CHRNA4: variants seen among roughly 807,000 people sequenced by gnomAD.
CHRNA4 encodes neuronal acetylcholine receptor subunit alpha-4.
CHRNA4 carries 28 observed loss-of-function variants against 48.9 expected under a neutral mutation model. The observed-to-expected ratio is 0.57, with a 90% confidence interval of 0.42 to 0.79. The LOEUF (loss-of-function observed/expected upper bound fraction) is 0.79. Ranked by LOEUF, CHRNA4 falls within the 30% of genes least tolerant of loss-of-function variation. CHRNA4 has a pLI of 0.00. For synonymous variants in CHRNA4, 425 were observed against 402.3 expected (o/e 1.06, Z -0.68); for missense variants, 859 against 898.4 (o/e 0.96, Z 0.56).
At chr20:63,349,336 C>T (rs957660468) in intron 5 of CHRNA4, among the ~76,000 whole-genome samples, 6 of 152,188 alleles carry the variant, frequency 3.9e-5, no homozygotes, top group Admixed American at 1.3e-4. Flanking sequence ...AGAGCGCCCC[C>T]GTTCTGTGCT....
At chr20:63,351,129 A>ACGCC (rs1426602519) in intron 4 of CHRNA4, 102 bp from the exon 5 acceptor site, 417 of 1,190,340 alleles carry the variant, frequency 3.5e-4, no homozygotes, top group Admixed American at 1.9e-3. Context: ...ACCCACACCC[A>ACGCC]CATCCACGCC....
chr20:63,354,936 G>A (rs1310814680), intron 4 of CHRNA4, among the ~76,000 whole-genome samples: 1 of 152,146 alleles, frequency 6.6e-6, no homozygotes, highest in Non-Finnish European at 1.5e-5. Context: ...CCCTCCCACT[G>A]CCGGAGGCCC....
chr20:63,360,400 G>A (rs554137847), intron 1 of CHRNA4, among the ~76,000 whole-genome samples: 40 of 152,306 alleles, frequency 2.6e-4, no homozygotes, highest in African/African-American at 8.7e-4. Flanking sequence ...GAACGCCCCT[G>A]ATGAGTCGCT....
rs776781462 is a variant in CHRNA4 at position 63,356,425 on chromosome 20, C to G, written c.229-10G>C. ...TCTGGTTCTTCTCATCCTAGGGCACCGAGAGAGGAAGGGGGCCAGTGACCC... is the reference window on the plus strand; with the variant it reads ...TCTGGTTCTTCTCATCCTAGGGCACGGAGAGAGGAAGGGGGCCAGTGACCC... On this transcript the variant is annotated splice_polypyrimidine_tract_variant and intron_variant, in intron 2 of 5. Coordinates refer to ENST00000370263, the MANE Select transcript of CHRNA4 (RefSeq NM_000744.7). 3 of 1,599,498 alleles carry G rather than the reference C, an allele frequency of 1.9e-6. No homozygotes were observed. Among genetic ancestry groups the G allele is most frequent in the Middle Eastern group, 1.7e-4 (1 of 6,050 alleles).
At chr20:63,356,591 G>C in intron 2 of CHRNA4, 176 bp from the exon 3 acceptor site, 2 of 671,048 alleles carry the variant, frequency 3.0e-6, no homozygotes, top group Non-Finnish European at 5.4e-6. Flanking sequence ...CCAGGATGGG[G>C]ACTCTGAGGG....
rs774465157 is a variant in CHRNA4 at position 63,346,076 on chromosome 20, A to G, written c.*662T>C. ...GGGCCTCCCGATTCTCCCCACGCGG[A>G]ACCAGCTCCACAAAACTCTGTTCTC... On this transcript the variant is annotated 3_prime_UTR_variant, in exon 6 of 6. Coordinates refer to ENST00000370263, the MANE Select transcript of CHRNA4 (RefSeq NM_000744.7). 2.2e-5 allele frequency: 10 copies of G among 454,006 alleles called. No individual in the cohort carries two copies. The highest frequency in any genetic ancestry group is 1.6e-4 in the South Asian group (10 of 64,476). 28.1% of individuals were successfully genotyped at this position (454,006 alleles called of 1,614,324 possible).
At chr20:63,359,893 T>TGCGC (rs1168977487) in intron 1 of CHRNA4, 194 bp from the exon 2 acceptor site, 33 of 475,538 alleles carry the variant, frequency 6.9e-5, no homozygotes, top group Non-Finnish European at 9.3e-5. Context: ...GTGCCGGGCG[T>TGCGC]GTGCTGTGTG....
chr20:63,349,566 G>T, intron 5 of CHRNA4, 87 bp downstream of exon 5: 1 of 1,541,318 alleles, frequency 6.5e-7, no homozygotes, highest in Non-Finnish European at 8.9e-7. Context: ...CCTGGGCCCG[G>T]CTCCTGGATT....
At position 63,347,456 on chromosome 20, in the gene CHRNA4, C is replaced by T. The variant is rs948073456; in HGVS notation, c.1759-593G>A. Among the ~76,000 whole-genome samples the T allele has an allele frequency of 7.9e-5, 12 of 152,220 alleles. No individual in the cohort carries two copies. In the South Asian group the frequency reaches 1.0e-3, roughly 13 times the overall value. The stretch of plus-strand genomic sequence containing the variant: ...GGGCGGCTGCGGTTACATATCTGAA[C>T]GGGGACAGCGGGTTCCGGCTCCAGG... On this transcript the variant is annotated intron_variant, in intron 5 of 5. Coordinates refer to ENST00000370263, the MANE Select transcript of CHRNA4 (RefSeq NM_000744.7).
At chr20:63,360,925 G>T (rs1044276646) in intron 1 of CHRNA4, 165 bp downstream of exon 1, 7 of 525,570 alleles carry the variant, frequency 1.3e-5, no homozygotes, top group Non-Finnish European at 2.1e-5. Context: ...CAGCCCGGGT[G>T]CGAGCGCAGC....
intron 5 of CHRNA4, among the ~76,000 whole-genome samples, chr20:63,348,286 G>A (rs570845588): frequency 1.3e-5 from 2 of 152,342 alleles, no homozygotes; most frequent in African/African-American, 2.4e-5. Flanking sequence ...CTGACCCCAC[G>A]GTGGCACAGC....
At chr20:63,356,514 G>T in intron 2 of CHRNA4, 99 bp from the exon 3 acceptor site, 1 of 1,298,914 alleles carries the variant, frequency 7.7e-7, no homozygotes, top group Non-Finnish European at 1.1e-6. Flanking sequence ...GACACGGCCA[G>T]GGCAAGATAT....
At position 63,345,788 on chromosome 20, in the gene CHRNA4, C is replaced by T. The variant is rs892077014; in HGVS notation, c.*950G>A. Reference sequence around the variant, plus strand: ...CAGAGCCCAGGGCGGATCTCCCGGGCTGCGCGCCAAGGTGGAAACCCTCAG... The same window carrying T: ...CAGAGCCCAGGGCGGATCTCCCGGGTTGCGCGCCAAGGTGGAAACCCTCAG... On this transcript the variant is annotated 3_prime_UTR_variant, in exon 6 of 6. Coordinates refer to ENST00000370263, the MANE Select transcript of CHRNA4 (RefSeq NM_000744.7). The surrounding 1 kb of genome is among the most constrained non-coding windows in gnomAD (Gnocchi z 5.4). 4.5e-6 allele frequency: 2 copies of T among 441,852 alleles called. No individual in the cohort carries two copies. Among genetic ancestry groups the T allele is most frequent in the Admixed American group, 2.4e-5 (1 of 42,192 alleles). 27.4% of individuals were successfully genotyped at this position (441,852 alleles called of 1,614,324 possible). A position where few individuals can be genotyped will look rare whatever the true frequency, so the allele number is the denominator to read the frequency against.
chr20:63,346,078 C>G lies in CHRNA4; in HGVS notation c.*660G>C, dbSNP rs958632015. The G allele has an allele frequency of 6.6e-6, 3 of 454,042 alleles. No homozygotes were observed. The highest frequency in any genetic ancestry group is 1.3e-5 in the Non-Finnish European group (3 of 226,734). The allele number at this position is 454,042 out of a possible 1,614,324, so 28.1% of individuals were successfully genotyped here. A position where few individuals can be genotyped will look rare whatever the true frequency, so the allele number is the denominator to read the frequency against. On this transcript the variant is annotated 3_prime_UTR_variant, in exon 6 of 6. Coordinates refer to ENST00000370263, the MANE Select transcript of CHRNA4 (RefSeq NM_000744.7). ...GCCTCCCGATTCTCCCCACGCGGAA[C>G]CAGCTCCACAAAACTCTGTTCTCCA... is the stretch of plus-strand genomic sequence containing the variant.
intron 2 of CHRNA4, 195 bp from the exon 3 acceptor site, chr20:63,356,610 G>A (rs1031758477): frequency 3.1e-6 from 2 of 634,928 alleles, no homozygotes; most frequent in African/African-American, 3.7e-5. Context: ...GGGACCTAGG[G>A]ATGTGGGGAC....
In CHRNA4 at chr20:63,343,856, G is replaced by A. The variant is rs1351409063; in HGVS notation, c.*2882C>T. 2.2e-6 allele frequency: 1 copy of A among 454,054 alleles called. No individual in the cohort carries two copies. Among genetic ancestry groups the A allele is most frequent in the East Asian group, 6.9e-5 (1 of 14,418 alleles). 28.1% of individuals were successfully genotyped at this position (454,054 alleles called of 1,614,324 possible). ...GGCTTAGTGTGAGACTTTGATAGGG[G>A]GTCGGGGGTCACAGCCCTGGCAAGG... On this transcript the variant is annotated 3_prime_UTR_variant, in exon 6 of 6. Transcript: ENST00000370263.
Position 63,356,360 on chromosome 20 carries a change from C to G in CHRNA4, c.273+11G>C. Reference sequence around the variant, plus strand: ...GGCAGGGGTGGGGCAGGGCAGTGCCCTCCCACTCACCTGCTTCACCCATAC... The same window carrying G: ...GGCAGGGGTGGGGCAGGGCAGTGCCGTCCCACTCACCTGCTTCACCCATAC... On this transcript the variant is annotated intron_variant, in intron 3 of 5. Transcript: ENST00000370263. 1 of 1,583,214 alleles carries G rather than the reference C, an allele frequency of 6.3e-7. No individual in the cohort carries two copies. The highest frequency in any genetic ancestry group is 8.6e-7 in the Non-Finnish European group (1 of 1,164,744).
At chr20:63,356,436 G>A (rs763506518) in intron 2 of CHRNA4, 21 bp from the exon 3 acceptor site, 96 of 1,591,316 alleles carry the variant, frequency 6.0e-5, no homozygotes, top group Non-Finnish European at 8.1e-5. Context: ...GAGAGAGGAA[G>A]GGGGCCAGTG....
At chr20:63,355,030 C>A (rs977871160) in intron 4 of CHRNA4, among the ~76,000 whole-genome samples, 1 of 152,134 alleles carries the variant, frequency 6.6e-6, no homozygotes, top group Non-Finnish European at 1.5e-5. Context: ...GTAGGTCAGG[C>A]GGGTGCCCTG....
Sources: allele counts gnomAD v4.1 joint callset (sites outside exome capture counted in the v4.1 genomes callset), GRCh38; gene constraint gnomAD v4.1.1; non-coding constraint Gnocchi (gnomAD v3.1); transcripts MANE v1.5; gene names NCBI Gene and HGNC (gene_info 2026-07-23, HGNC 2026-07-21).